DOCK3: variants seen among roughly 807,000 people sequenced by gnomAD.
The protein encoded by DOCK3 is dedicator of cytokinesis 3, also known as dedicator of cytokinesis protein 3.
Under a neutral mutation model 265.6 loss-of-function variants are expected in DOCK3, and 60 were observed. The ratio of observed to expected loss-of-function variants is 0.23; its 90% CI spans 0.18 to 0.28. The LOEUF (loss-of-function observed/expected upper bound fraction) is 0.28. DOCK3 is among the 10% of genes least tolerant of loss of function. The pLI is 1.00. For missense variants in DOCK3, 1,981 were observed against 2,594.3 expected (o/e 0.76, Z 5.14); for synonymous variants, 881 against 938.0 (o/e 0.94, Z 1.11).
chr3:50,828,341 A>G (rs752075797), intron 2 of DOCK3, among the ~76,000 whole-genome samples: 2 of 152,154 alleles, frequency 1.3e-5, no homozygotes, highest in Non-Finnish European at 2.9e-5. Context: ...CTTTTATGCA[A>G]CTATGGTCTA....
Position 51,225,747 on chromosome 3 carries a change from C to T in DOCK3, c.1351C>T (p.Leu451Phe). The change falls in exon 15 of 53, where the codon CTT (leucine) becomes TTT (phenylalanine). Residue 451 changes from leucine (L) to phenylalanine (F), a missense_variant. This residue lies in a region of DOCK3 where 19 missense variants were observed against 43.8 expected (regional missense o/e 0.43). Transcript: ENST00000266037. ...QKNIEVTMYV[L>F]YADGEILKDC... The stretch of plus-strand genomic sequence containing the variant: ...GAATATTGAAGTGACCATGTATGTG[C>T]TTTATGCAGATGGAGAAATCTTGAA... 1 of 1,612,824 alleles carries T rather than the reference C, an allele frequency of 6.2e-7. No homozygotes were observed. Among genetic ancestry groups the T allele is most frequent in the East Asian group, 2.2e-5 (1 of 44,822 alleles).
chr3:50,991,499 T>A (rs977473037), intron 5 of DOCK3, among the ~76,000 whole-genome samples: 2 of 152,206 alleles, frequency 1.3e-5, no homozygotes, highest in African/African-American at 4.8e-5. Flanking sequence ...TCAAGGGCAT[T>A]ATATCATCAT....
At chr3:51,364,050 A>C (rs543574638) in intron 49 of DOCK3, among the ~76,000 whole-genome samples, 136 of 152,346 alleles carry the variant, frequency 8.9e-4, no homozygotes, top group African/African-American at 3.2e-3. Flanking sequence ...TAGATCCTTG[A>C]GGAATCTCCA....
chr3:51,262,389 C>G (rs961263526), intron 23 of DOCK3, among the ~76,000 whole-genome samples: 8 of 152,160 alleles, frequency 5.3e-5, no homozygotes, highest in Admixed American at 1.3e-4. Context: ...AAAAGGACAT[C>G]CACACAGAAA....
At chr3:50,854,695 C>T (rs1189822543) in intron 3 of DOCK3, among the ~76,000 whole-genome samples, 1 of 143,478 alleles carries the variant, frequency 7.0e-6, no homozygotes, top group African/African-American at 2.6e-5. Flanking sequence ...TCCCAATGTG[C>T]TGAGATTACA....
intron 5 of DOCK3, among the ~76,000 whole-genome samples, chr3:50,984,057 A>T (rs2077803066): frequency 6.6e-6 from 1 of 152,182 alleles, no homozygotes; most frequent in Non-Finnish European, 1.5e-5. Flanking sequence ...CTGACTGCAC[A>T]GTTGCCAGAC....
chr3:51,149,787 T>G (rs936718511), intron 10 of DOCK3, among the ~76,000 whole-genome samples: 1 of 152,180 alleles, frequency 6.6e-6, no homozygotes, highest in Non-Finnish European at 1.5e-5. Flanking sequence ...TCAGGGATAT[T>G]GGTCTAAAAA....
intron 6 of DOCK3, among the ~76,000 whole-genome samples, chr3:51,068,435 G>A (rs531160406): frequency 4.0e-5 from 6 of 150,316 alleles, no homozygotes; most frequent in Admixed American, 1.3e-4. Flanking sequence ...AGCTACTCGG[G>A]AGGGTGAGGC....
At chr3:50,692,066 C>T (rs925355965) in intron 1 of DOCK3, among the ~76,000 whole-genome samples, 1 of 152,074 alleles carries the variant, frequency 6.6e-6, no homozygotes, top group East Asian at 1.9e-4. Flanking sequence ...AGCTGTGTGC[C>T]ACTGTGCCTA....
At chr3:51,022,581 A>T (rs1360667696) in intron 5 of DOCK3, among the ~76,000 whole-genome samples, 1 of 152,196 alleles carries the variant, frequency 6.6e-6, no homozygotes, top group Non-Finnish European at 1.5e-5. Flanking sequence ...CATTTAATTT[A>T]TGCATATAAA....
intron 7 of DOCK3, among the ~76,000 whole-genome samples, chr3:51,077,123 G>C (rs1359158603): frequency 1.3e-5 from 2 of 152,118 alleles, no homozygotes; most frequent in African/African-American, 4.8e-5. Context: ...AAGAAAAATG[G>C]CTAGACAGCA....
At chr3:51,104,672 A>G (rs936820901) in intron 9 of DOCK3, among the ~76,000 whole-genome samples, 5 of 152,372 alleles carry the variant, frequency 3.3e-5, no homozygotes, top group Non-Finnish European at 5.9e-5. Flanking sequence ...AGTAATTCCC[A>G]GATTTACTTT....
intron 9 of DOCK3, among the ~76,000 whole-genome samples, chr3:51,094,218 T>G (rs1253349161): frequency 1.3e-5 from 2 of 152,222 alleles, no homozygotes; most frequent in Non-Finnish European, 2.9e-5. Flanking sequence ...CTTTTTCTGT[T>G]TATTGGAATA....
chr3:50,770,155 A>G (rs1024946909), intron 1 of DOCK3, among the ~76,000 whole-genome samples: 22 of 152,218 alleles, frequency 1.4e-4, no homozygotes, highest in Non-Finnish European at 2.9e-4. Context: ...GAAAGGGAGA[A>G]GTCAAATTAT....
intron 10 of DOCK3, 67 bp from the exon 11 acceptor site, chr3:51,159,177 A>G (rs2086009150): frequency 5.3e-6 from 8 of 1,506,032 alleles, no homozygotes; most frequent in East Asian, 2.3e-5. Flanking sequence ...ATGACTAGAG[A>G]TTCAAAATGA....
At position 51,229,492 on chromosome 3, in the gene DOCK3, C is replaced by G; in HGVS notation, c.1820-20C>G. 1.3e-6 allele frequency: 2 copies of G among 1,537,270 alleles called. No individual in the cohort carries two copies. Among genetic ancestry groups the G allele is most frequent in the Non-Finnish European group, 1.8e-6 (2 of 1,139,120 alleles). On this transcript the variant is annotated intron_variant, in intron 18 of 52. Coordinates refer to ENST00000266037, the MANE Select transcript of DOCK3 (RefSeq NM_004947.5). ...TATCCAGGTTTCAAGGGTTCCTCAT[C>G]TTTTGGGCTTGCTTTCTAGTGGACC...
chr3:50,709,529 T>C (rs1283048434), intron 1 of DOCK3, among the ~76,000 whole-genome samples: 4 of 152,156 alleles, frequency 2.6e-5, no homozygotes, highest in Non-Finnish European at 5.9e-5. Context: ...ATGATTTTTT[T>C]TTTTAAACAG....
chr3:50,792,916 G>A (rs989263109), intron 2 of DOCK3, among the ~76,000 whole-genome samples: 8 of 152,144 alleles, frequency 5.3e-5, no homozygotes, highest in African/African-American at 1.9e-4. Flanking sequence ...GATGATGCTG[G>A]CCTCATAGAA....
At chr3:50,840,254 T>A (rs1291525268) in intron 2 of DOCK3, among the ~76,000 whole-genome samples, 1 of 152,232 alleles carries the variant, frequency 6.6e-6, no homozygotes, top group African/African-American at 2.4e-5. Flanking sequence ...ATTTCTTTCA[T>A]GGATCATGCT....
Sources: allele counts gnomAD v4.1 joint callset (sites outside exome capture counted in the v4.1 genomes callset), GRCh38; gene constraint gnomAD v4.1.1; regional missense constraint gnomAD v4.1.1; transcripts MANE v1.5; gene names NCBI Gene and HGNC (gene_info 2026-07-23, HGNC 2026-07-21).